The following DFFB variants were observed in gnomAD, a reference collection of about 807,000 sequenced individuals.
The protein encoded by DFFB is DNA fragmentation factor subunit beta, also known as DNA fragmentation factor 40 kDa subunit.
DFFB carries 29 observed loss-of-function variants against 32.7 expected under a neutral mutation model. That is an observed-to-expected ratio of 0.89 (90% CI 0.66 to 1.21). The LOEUF (loss-of-function observed/expected upper bound fraction) is 1.21, where lower values mean the gene tolerates loss of function less well. Ranked by LOEUF, DFFB falls within the 50% of genes most tolerant of loss-of-function variation. The pLI is 0.00. For missense variants in DFFB, 398 were observed against 440.6 expected, an observed-to-expected ratio of 0.90 and a Z score of 0.87; for synonymous variants, 170 against 177.1, an observed-to-expected ratio of 0.96 and a Z score of 0.32.
At chr1:3,882,435 T>G (rs560947087) in intron 6 of DFFB, among the ~76,000 whole-genome samples, 6 of 151,724 alleles carry the variant, frequency 4.0e-5, no homozygotes, top group African/African-American at 1.5e-4. Flanking sequence ...GCACAATCTT[T>G]CTCTCTGCAA....
intron 6 of DFFB, 66 bp downstream of exon 6, chr1:3,872,638 G>GTCCCTGCCGCGGCCCTC: frequency 7.0e-7 from 1 of 1,428,476 alleles, no homozygotes; most frequent in Admixed American, 1.7e-5. Flanking sequence ...CCGTGGCCCT[G>GTCCCTGCCGCGGCCCTC]TCCCTGCCAT....
chr1:3,880,801 T>C (rs928407889), intron 6 of DFFB, among the ~76,000 whole-genome samples: 1 of 152,192 alleles, frequency 6.6e-6, no homozygotes, highest in Non-Finnish European at 1.5e-5. Context: ...GCCTCCTCTG[T>C]GCTCCGGTGT....
chr1:3,868,599 A>ACCACACCACACCAAG (rs1557715954), intron 4 of DFFB, among the ~76,000 whole-genome samples: 24 of 1,326 alleles, frequency 0.018, no homozygotes, highest in South Asian at 0.051. Context: ...GCTACACCAT[A>ACCACACCACACCAAG]CCACACCATA....
rs1361757387 is a variant in DFFB, at chr1:3,857,697, A to G, written c.94A>G (p.Lys32Glu). Residue 32 changes from lysine to glutamate, a missense_variant, in exon 1 of 7, where the codon AAG (lysine) becomes GAG (glutamate). Lys to Glu is a moderately conservative substitution (Grantham distance 56). Coordinates refer to ENST00000378209, the MANE Select transcript of DFFB (RefSeq NM_004402.4). Reference sequence around the variant, plus strand: ...CCGGAGCTGCCAGGAGGTGCTGCGCAAGGGCTGTCTCCGCTTCCAGGTGCC... The same window carrying G: ...CCGGAGCTGCCAGGAGGTGCTGCGCGAGGGCTGTCTCCGCTTCCAGGTGCC... ...AGRSCQEVLR[K>E]GCLRFQLPER... The G allele has an allele frequency of 2.6e-6, 4 of 1,561,752 alleles. No homozygotes were observed. The highest frequency in any genetic ancestry group is 1.2e-5 in the South Asian group (1 of 84,190).
intron 3 of DFFB, among the ~76,000 whole-genome samples, chr1:3,866,967 C>T (rs1231602233): frequency 6.6e-6 from 1 of 152,126 alleles, no homozygotes; most frequent in African/African-American, 2.4e-5. Context: ...GCGATCTTGG[C>T]TCACTGCAAG....
Position 3,883,990 on chromosome 1 carries a change from G to C in DFFB, c.*249G>C, listed in dbSNP as rs1033480699. The C allele has an allele frequency of 1.1e-5, 5 of 471,002 alleles. No homozygotes were observed. Among genetic ancestry groups the C allele is most frequent in the Non-Finnish European group, 1.9e-5 (5 of 261,244 alleles). The allele number at this position is 471,002 out of a possible 1,614,324, so 29.2% of individuals were successfully genotyped here. A position where few individuals can be genotyped will look rare whatever the true frequency, so the allele number is the denominator to read the frequency against. Reference sequence around the variant, plus strand: ...TGCCCAGGCTGGAGTGTAGTGGCGCGATCTCGGCTCAGCCTCCCGAGTAGC... The same window carrying C: ...TGCCCAGGCTGGAGTGTAGTGGCGCCATCTCGGCTCAGCCTCCCGAGTAGC... On this transcript the variant is annotated 3_prime_UTR_variant, in exon 7 of 7. Transcript: ENST00000378209.
rs1209777512 is a variant in DFFB at position 3,869,676 on chromosome 1, C to T, written c.582C>T (p.Cys194=). Residue 194 remains cysteine, a synonymous_variant, in exon 5 of 7, where the codon TGC becomes TGT. Transcript: ENST00000378209. ...EEFLRVLGSM[C]QRLRSMQYNG... is the part of the protein sequence containing the mutation. ...TCCTGCGGGTCCTCGGCTCCATGTG[C>T]CAGAGGCTCCGGTCCATGCAGTACA... 1 of 1,613,530 alleles carries T rather than the reference C, an allele frequency of 6.2e-7. No homozygotes were observed. Among genetic ancestry groups the T allele is most frequent in the Non-Finnish European group, 8.5e-7 (1 of 1,179,872 alleles).
At chr1:3,881,850 A>G (rs1406046071) in intron 6 of DFFB, among the ~76,000 whole-genome samples, 1 of 148,050 alleles carries the variant, frequency 6.8e-6, no homozygotes. Flanking sequence ...AGCCTGGGTG[A>G]CAGAGCAAGA....
Position 3,885,316 on chromosome 1 carries a change from A to G in DFFB, c.*1575A>G, listed in dbSNP as rs1638351687. On this transcript the variant is annotated 3_prime_UTR_variant, in exon 7 of 7. Coordinates refer to ENST00000378209, the MANE Select transcript of DFFB (RefSeq NM_004402.4). The stretch of plus-strand genomic sequence containing the variant: ...GATACTTGAATTTTTTGAAATGGGC[A>G]TTTATTTTATAACATGTTAAAATGT... 6.6e-6 allele frequency: 1 copy of G among 152,182 alleles called. No individual in the cohort carries two copies. The highest frequency in any genetic ancestry group is 1.5e-5 in the Non-Finnish European group (1 of 68,032). 9.4% of individuals were successfully genotyped at this position (152,182 alleles called of 1,614,324 possible).
chr1:3,868,208 G>A (rs554199435), intron 4 of DFFB, among the ~76,000 whole-genome samples, 155 bp downstream of exon 4: 54 of 152,258 alleles, frequency 3.5e-4, no homozygotes, highest in African/African-American at 1.1e-3. Flanking sequence ...GGAAGCTAGC[G>A]CACGGACCCT....
At position 3,862,589 on chromosome 1, in the gene DFFB, G is replaced by A. The variant is rs79216516; in HGVS notation, c.242-3223G>A. ...GTCAGGATGCCAGGACCATTCAACG[G>A]AGGGGGAAGAGTAGTATCTTCAACA... On this transcript the variant is annotated intron_variant, in intron 2 of 6. Transcript: ENST00000378209. 5.8e-3 allele frequency among the ~76,000 whole-genome samples: 891 copies of A among 152,322 alleles called. 9 individuals are homozygous for A. The highest frequency in any genetic ancestry group is 0.02 in the African/African-American group (828 of 41,568).
At chr1:3,880,650 C>T (rs1401860350) in intron 6 of DFFB, among the ~76,000 whole-genome samples, 1 of 152,070 alleles carries the variant, frequency 6.6e-6, no homozygotes, top group African/African-American at 2.4e-5. Flanking sequence ...CGTAGGCCTC[C>T]TCTGTGCTCC....
chr1:3,873,788 A>AT lies in DFFB; in HGVS notation c.782+1223dup, dbSNP rs1015470648. ...GCCACTGCATCCGGCCAGATGTGGG[A>AT]TTTTTTTAAGGATGCTCAGCTAGTC... On this transcript the variant is annotated intron_variant, in intron 6 of 6. Coordinates refer to ENST00000378209, the MANE Select transcript of DFFB (RefSeq NM_004402.4). Among the ~76,000 whole-genome samples the AT allele has an allele frequency of 1.1e-4, 16 of 152,002 alleles. No homozygotes were observed. The East Asian group carries it at 1.2e-3, about 11-fold the overall frequency.
chr1:3,871,082 T>C (rs1302618452), intron 5 of DFFB, among the ~76,000 whole-genome samples: 1 of 152,124 alleles, frequency 6.6e-6, no homozygotes, highest in Non-Finnish European at 1.5e-5. Flanking sequence ...AGGGAGCCTC[T>C]GGGACATGGG....
intron 2 of DFFB, among the ~76,000 whole-genome samples, chr1:3,861,171 G>T (rs1044183191): frequency 1.1e-4 from 12 of 111,568 alleles, no homozygotes; most frequent in African/African-American, 3.9e-4. Context: ...AAAAAAAAAA[G>T]AATATTAGGT....
Position 3,865,403 on chromosome 1 carries a change from G to A in DFFB, c.242-409G>A, listed in dbSNP as rs1644956132. 6.6e-6 allele frequency among the ~76,000 whole-genome samples: 1 copy of A among 152,188 alleles called. No homozygotes were observed. The highest frequency in any genetic ancestry group is 2.4e-5 in the African/African-American group (1 of 41,444). ...TGCTTTAACTTCCTATTAAGAGCCT[G>A]CCCGGAGAGCTCGCTGCTTTAGGGA... On this transcript the variant is annotated intron_variant, in intron 2 of 6. Coordinates refer to ENST00000378209, the MANE Select transcript of DFFB (RefSeq NM_004402.4). This position sits in a 1 kb window ranked among gnomAD's most constrained non-coding sequence, Gnocchi z 4.7.
intron 6 of DFFB, among the ~76,000 whole-genome samples, chr1:3,881,910 G>A (rs1645346693): frequency 6.6e-6 from 1 of 151,488 alleles, no homozygotes; most frequent in Non-Finnish European, 1.5e-5. Context: ...CATTTTGTGG[G>A]TTGTAGGGAG....
At chr1:3,861,347 G>T (rs1356697644) in intron 2 of DFFB, among the ~76,000 whole-genome samples, 1 of 152,120 alleles carries the variant, frequency 6.6e-6, no homozygotes, top group Non-Finnish European at 1.5e-5. Context: ...ATTCGCCTGT[G>T]GAAAGATATT....
intron 6 of DFFB, among the ~76,000 whole-genome samples, chr1:3,877,328 G>GGTTTTTT (rs779320099): frequency 1.8e-5 from 2 of 113,888 alleles, no homozygotes; most frequent in African/African-American, 7.2e-5. Flanking sequence ...TGGGAGTTCA[G>GGTTTTTT]TTTTTTTTTT....
Sources: allele counts gnomAD v4.1 joint callset (sites outside exome capture counted in the v4.1 genomes callset), GRCh38; gene constraint gnomAD v4.1.1; non-coding constraint Gnocchi (gnomAD v3.1); transcripts MANE v1.5; gene names NCBI Gene and HGNC (gene_info 2026-07-23, HGNC 2026-07-21).